The following PHKB variants were observed in gnomAD, a reference collection of about 807,000 sequenced individuals.
The protein encoded by PHKB is phosphorylase b kinase regulatory subunit beta.
In PHKB, 122 loss-of-function variants were observed where a neutral mutation model predicts 152.1. The observed-to-expected ratio is 0.80, with a 90% confidence interval of 0.69 to 0.93. The LOEUF (loss-of-function observed/expected upper bound fraction) is 0.93, where lower values mean the gene tolerates loss of function less well. Among genes scored for constraint, PHKB ranks in the 40% least tolerant of loss-of-function variants. PHKB has a pLI of 0.00. For missense variants in PHKB, 1,304 were observed against 1,328.4 expected, an observed-to-expected ratio of 0.98 and a Z score of 0.29; for synonymous variants, 436 against 464.9, an observed-to-expected ratio of 0.94 and a Z score of 0.80.
intron 6 of PHKB, among the ~76,000 whole-genome samples, chr16:47,532,497 G>T (rs946461466): frequency 6.6e-6 from 1 of 152,250 alleles, no homozygotes; most frequent in African/African-American, 2.4e-5. Context: ...CCAAGGATGA[G>T]CCAGATGTGG....
intron 14 of PHKB, among the ~76,000 whole-genome samples, chr16:47,617,251 T>A (rs982497681): frequency 5.4e-5 from 8 of 147,972 alleles, no homozygotes; most frequent in African/African-American, 1.7e-4. Context: ...TATATAATAT[T>A]TATATATAAT....
chr16:47,462,851 G>GTA lies in PHKB; in HGVS notation c.76+1425_76+1426insTA, dbSNP rs1969597610. On this transcript the variant is annotated intron_variant, in intron 1 of 30. Coordinates refer to ENST00000323584, the MANE Select transcript of PHKB (RefSeq NM_000293.3). ...AAAAAGTTCAGCTTTATATACTTAG[G>GTA]GTTATAGTAAAATTACCATCTATGA... 3 of 150,922 alleles carry GTA rather than the reference G, an allele frequency of 2.0e-5. No individual in the cohort carries two copies. In the East Asian group the frequency reaches 5.8e-4, roughly 29 times the overall value. 9.3% of individuals were successfully genotyped at this position (150,922 alleles called of 1,614,324 possible). A position where few individuals can be genotyped will look rare whatever the true frequency, so the allele number is the denominator to read the frequency against.
intron 14 of PHKB, among the ~76,000 whole-genome samples, chr16:47,618,449 C>T (rs1376663856): frequency 2.0e-5 from 3 of 152,050 alleles, no homozygotes; most frequent in African/African-American, 4.8e-5. Flanking sequence ...TCTTTTTCTC[C>T]TTCTATACTC....
chr16:47,554,783 G>A (rs2151677252), intron 7 of PHKB, among the ~76,000 whole-genome samples: 1 of 152,240 alleles, frequency 6.6e-6, no homozygotes, highest in East Asian at 1.9e-4. Flanking sequence ...GTTCCCTGAA[G>A]CCTTGCATTT....
intron 13 of PHKB, among the ~76,000 whole-genome samples, chr16:47,601,364 T>A (rs1404456632): frequency 1.3e-5 from 2 of 152,212 alleles, no homozygotes; most frequent in Non-Finnish European, 1.5e-5. Context: ...TATATGTTCT[T>A]ATTCACTATG....
chr16:47,590,535 A>C (rs1391687438), intron 10 of PHKB: 3 of 152,192 alleles, frequency 2.0e-5, no homozygotes, highest in Non-Finnish European at 4.4e-5. Flanking sequence ...AGATCCATTT[A>C]TCTCTTAAAC....
chr16:47,473,765 A>T (rs1010127090), intron 1 of PHKB, among the ~76,000 whole-genome samples: 5 of 152,288 alleles, frequency 3.3e-5, no homozygotes, highest in Admixed American at 3.3e-4. Context: ...AATTGTATAT[A>T]TTTACAGGGT....
chr16:47,551,223 C>G (rs1428718329), intron 7 of PHKB, among the ~76,000 whole-genome samples: 1 of 152,042 alleles, frequency 6.6e-6, no homozygotes, highest in South Asian at 2.1e-4. Flanking sequence ...TTCAGTTCTG[C>G]TCTGATCTTA....
intron 1 of PHKB, among the ~76,000 whole-genome samples, chr16:47,480,115 T>C (rs1969938499): frequency 6.6e-6 from 1 of 152,226 alleles, no homozygotes; most frequent in Admixed American, 6.5e-5. Flanking sequence ...TTCTGTGTCC[T>C]GAGGATCATG....
chr16:47,566,505 C>G (rs1971569465), intron 7 of PHKB: 1 of 1,606,404 alleles, frequency 6.2e-7, no homozygotes, highest in Non-Finnish European at 8.5e-7. Flanking sequence ...CTCTGGATTG[C>G]TGGGTTCACG....
intron 1 of PHKB, among the ~76,000 whole-genome samples, chr16:47,473,006 G>A (rs1969800687): frequency 6.6e-6 from 1 of 151,376 alleles, no homozygotes; most frequent in Non-Finnish European, 1.5e-5. Context: ...TCTTGAAGAT[G>A]CTTTCTGATG....
chr16:47,554,173 C>T (rs1239380193), intron 7 of PHKB, among the ~76,000 whole-genome samples: 1 of 152,136 alleles, frequency 6.6e-6, no homozygotes, highest in African/African-American at 2.4e-5. Flanking sequence ...ATGTATAAGC[C>T]CCTGACTGTG....
At chr16:47,544,921 C>CT (rs1216856709) in intron 6 of PHKB, among the ~76,000 whole-genome samples, 3 of 151,912 alleles carry the variant, frequency 2.0e-5, no homozygotes, top group Admixed American at 6.6e-5. Context: ...GCAACCCCTG[C>CT]TTTTTTTTGT....
chr16:47,547,546 G>A lies in PHKB; in HGVS notation c.708G>A (p.Ser236=), dbSNP rs768892939. The A allele has an allele frequency of 7.7e-6, 12 of 1,558,302 alleles. No individual in the cohort carries two copies. The highest frequency in any genetic ancestry group is 1.7e-5 in the Admixed American group (1 of 59,944). ...KYNNGSTELH[S]SSVGLAKAAL... ...ATAATGGCAGCACAGAGCTACATTC[G>A]AGGTAATTTGCTGATTTCTGAGGTT... Residue 236 remains serine (S), a splice_region_variant and synonymous_variant, in exon 7 of 31, where the codon TCG becomes TCA. Coordinates refer to ENST00000323584, the MANE Select transcript of PHKB (RefSeq NM_000293.3).
At chr16:47,531,694 T>G (rs150374752) in intron 6 of PHKB, among the ~76,000 whole-genome samples, 1,637 of 152,292 alleles carry the variant, frequency 0.011, 17 homozygotes, top group Non-Finnish European at 0.014. Context: ...TATTGCAATA[T>G]TACGTATATA....
intron 7 of PHKB, chr16:47,565,640 T>A: frequency 8.8e-7 from 1 of 1,134,894 alleles, no homozygotes; most frequent in African/African-American, 1.5e-5. Context: ...CGGTCTGTGA[T>A]GACTCACTTC....
chr16:47,478,702 ATGCTC>A (rs541578578), intron 1 of PHKB, among the ~76,000 whole-genome samples: 4 of 152,132 alleles, frequency 2.6e-5, no homozygotes, highest in Non-Finnish European at 5.9e-5. Context: ...CGTGTGGTAA[ATGCTC>A]TGATATTGTT....
At chr16:47,557,793 A>G (rs1465254063) in intron 7 of PHKB, among the ~76,000 whole-genome samples, 2 of 152,056 alleles carry the variant, frequency 1.3e-5, no homozygotes, top group African/African-American at 4.8e-5. Context: ...GTGAGACTGT[A>G]AACTAGTTCA....
chr16:47,534,086 C>G (rs1054890605), intron 6 of PHKB, among the ~76,000 whole-genome samples: 22 of 152,208 alleles, frequency 1.4e-4, no homozygotes, highest in Admixed American at 1.4e-3. Context: ...CACCCAAGCT[C>G]GGAAGGGGTG....
Sources: gnomAD v4.1 joint callset for allele counts (sites outside exome capture counted in the v4.1 genomes callset) on GRCh38, gnomAD v4.1.1 for gene constraint, MANE v1.5 for transcripts, NCBI Gene and HGNC (gene_info 2026-07-23, HGNC 2026-07-21) for gene names.